Variants in ARFGEF3 observed in about 807,000 individuals in gnomAD.
ARFGEF3 encodes brefeldin A-inhibited guanine nucleotide-exchange protein 3.
A neutral mutation model predicts 221.7 loss-of-function variants in ARFGEF3; 96 were observed. The observed-to-expected ratio is 0.43, with a 90% CI of 0.37 to 0.51. The LOEUF is 0.51. Among genes scored for constraint, ARFGEF3 ranks in the 20% least tolerant of loss-of-function variants. The probability of loss-of-function intolerance (pLI) is 0.00; values close to 1 mark genes in which losing one functional copy is unlikely to be tolerated. For synonymous variants in ARFGEF3, 1,145 were observed against 1,126.8 expected (o/e 1.02, Z -0.32); for missense variants, 2,410 against 2,789.9 (o/e 0.86, Z 3.07).
chr6:138,287,235 C>A (rs985806992), intron 17 of ARFGEF3, 51 bp downstream of exon 17: 1 of 1,360,104 alleles, frequency 7.4e-7, no homozygotes, highest in Non-Finnish European at 1.0e-6. Context: ...GCAGTATGCA[C>A]ACACCTGCAC....
rs1780299026 is a variant in ARFGEF3 at position 138,335,110 on chromosome 6, A to G, written c.6264A>G (p.Arg2088=). 2 of 1,601,746 alleles carry G rather than the reference A, an allele frequency of 1.2e-6. No individual in the cohort carries two copies. The highest frequency in any genetic ancestry group is 1.7e-6 in the Non-Finnish European group (2 of 1,175,290). Residue 2088 remains arginine (R), a synonymous_variant, in exon 33 of 34, where the codon CGA becomes CGG. Coordinates refer to ENST00000251691, the MANE Select transcript of ARFGEF3 (RefSeq NM_020340.5). ...HSFSAGPELL[R]QDKRPRSGST... is the part of the protein sequence containing the mutation. The stretch of plus-strand genomic sequence containing the variant: ...TCAGCGCAGGCCCCGAGCTGCTGCG[A>G]CAGGACAAGAGGCCCCGCTCAGGCT...
chr6:138,254,323 G>T (rs889573334), intron 9 of ARFGEF3, among the ~76,000 whole-genome samples: 2 of 151,556 alleles, frequency 1.3e-5, no homozygotes, highest in Non-Finnish European at 2.9e-5. Flanking sequence ...GAAGGCAGAG[G>T]CATGAGAATT....
chr6:138,278,051 C>T (rs574554500), intron 12 of ARFGEF3, among the ~76,000 whole-genome samples: 42 of 152,038 alleles, frequency 2.8e-4, no homozygotes, highest in Non-Finnish European at 5.1e-4. Flanking sequence ...AGGGTGGCTG[C>T]GGGGAATGAG....
At chr6:138,213,991 A>G (rs1777785526) in intron 4 of ARFGEF3, among the ~76,000 whole-genome samples, 1 of 152,224 alleles carries the variant, frequency 6.6e-6, no homozygotes, top group Non-Finnish European at 1.5e-5. Context: ...GTTTTGGTAT[A>G]GAGATTGGTT....
chr6:138,206,766 A>G (rs745560108), intron 2 of ARFGEF3, among the ~76,000 whole-genome samples: 3 of 152,200 alleles, frequency 2.0e-5, no homozygotes, highest in Non-Finnish European at 4.4e-5. Flanking sequence ...CCGGGGTCCC[A>G]ATGTGTACTA....
At chr6:138,201,179 T>C (rs927542938) in intron 2 of ARFGEF3, among the ~76,000 whole-genome samples, 5 of 152,312 alleles carry the variant, frequency 3.3e-5, no homozygotes, top group Middle Eastern at 6.8e-3. Flanking sequence ...TAGATGTTTT[T>C]TGTGGATGTG....
Position 138,334,078 on chromosome 6 carries a change from G to A in ARFGEF3, c.5232G>A (p.Glu1744=). Residue 1744 remains glutamate, a synonymous_variant, in exon 33 of 34, where the codon GAG becomes GAA. Transcript: ENST00000251691. This position sits in a 1 kb window ranked among gnomAD's most constrained non-coding sequence, Gnocchi z 5.1. The stretch of plus-strand genomic sequence containing the variant: ...TTGTCAAAGGCCCCTCTCCTGGAGA[G>A]GAAAAGACGATACAAGTGCCAGAAG... ...EEFVKGPSPG[E]EKTIQVPEAK... 2 of 1,613,974 alleles carry A rather than the reference G, an allele frequency of 1.2e-6. No individual in the cohort carries two copies. The highest frequency in any genetic ancestry group is 1.7e-6 in the Non-Finnish European group (2 of 1,179,894).
chr6:138,328,089 G>A lies in ARFGEF3; in HGVS notation c.5070G>A (p.Gln1690=). ...ACTTTGACCACGCTCAGTCCTGCCA[G>A]CTCATTATTGAGCTGCCTCCTGATG... is the stretch of plus-strand genomic sequence containing the variant. ...PNNFDHAQSC[Q]LIIELPPDEK... The change falls in exon 32 of 34, where the codon CAG becomes CAA. Residue 1690 remains glutamine, a synonymous_variant. Transcript: ENST00000251691. The A allele has an allele frequency of 6.3e-7, 1 of 1,577,484 alleles. No homozygotes were observed. Among genetic ancestry groups the A allele is most frequent in the Non-Finnish European group, 8.6e-7 (1 of 1,160,266 alleles).
chr6:138,243,077 G>T, intron 7 of ARFGEF3, 83 bp downstream of exon 7: 1 of 1,070,344 alleles, frequency 9.3e-7, no homozygotes, highest in Non-Finnish European at 1.4e-6. Flanking sequence ...GGGGTACAAA[G>T]ATGTCTAGGA....
At chr6:138,308,714 C>G in intron 23 of ARFGEF3, 25 bp from the exon 24 acceptor site, 1 of 1,613,270 alleles carries the variant, frequency 6.2e-7, no homozygotes, top group Non-Finnish European at 8.5e-7. Context: ...TACTTTCTTA[C>G]AATTCTATAA....
At chr6:138,299,198 TAA>T (rs60475752) in intron 22 of ARFGEF3, among the ~76,000 whole-genome samples, 25 of 39,432 alleles carry the variant, frequency 6.3e-4, no homozygotes, top group African/African-American at 1.5e-3. Context: ...CGAGACTCTG[TAA>T]AAAAAAAAAA....
Position 138,162,200 on chromosome 6 carries a change from CG to C in ARFGEF3, c.85+32del. On this transcript the variant is annotated intron_variant, in intron 1 of 33. Transcript: ENST00000251691. This position sits in a 1 kb window ranked among gnomAD's most constrained non-coding sequence, Gnocchi z 4.7. ...AGCGTCCGGCACCTGCTCGCCGCGG[CG>C]GGAGGGCCGCGCGGCCGGGGCTGAA... is the stretch of plus-strand genomic sequence containing the variant. 6.4e-7 allele frequency: 1 copy of C among 1,556,914 alleles called. No individual in the cohort carries two copies. The highest frequency in any genetic ancestry group is 8.8e-7 in the Non-Finnish European group (1 of 1,141,750).
At chr6:138,298,877 C>A in intron 22 of ARFGEF3, 92 bp downstream of exon 22, 1 of 948,168 alleles carries the variant, frequency 1.1e-6, no homozygotes, top group Non-Finnish European at 1.6e-6. Flanking sequence ...TTACTCTTTC[C>A]AATAATCCTA....
Position 138,336,593 on chromosome 6 carries a change from A to G in ARFGEF3, c.*107A>G, listed in dbSNP as rs2114703760. 1 of 862,804 alleles carries G rather than the reference A, an allele frequency of 1.2e-6. No individual in the cohort carries two copies. Among genetic ancestry groups the G allele is most frequent in the South Asian group, 2.0e-5 (1 of 49,358 alleles). 53.4% of individuals were successfully genotyped at this position (862,804 alleles called of 1,614,324 possible). Reference sequence around the variant, plus strand: ...CACTAGCCCCACTTAAACTACTACTACTGTCTCAGAGAACAGTGTTTCCTA... The same window carrying G: ...CACTAGCCCCACTTAAACTACTACTGCTGTCTCAGAGAACAGTGTTTCCTA... On this transcript the variant is annotated 3_prime_UTR_variant, in exon 34 of 34. Coordinates refer to ENST00000251691, the MANE Select transcript of ARFGEF3 (RefSeq NM_020340.5).
chr6:138,261,594 A>C lies in ARFGEF3; in HGVS notation c.1172A>C (p.Lys391Thr). 1 of 1,576,390 alleles carries C rather than the reference A, an allele frequency of 6.3e-7. No individual in the cohort carries two copies. The highest frequency in any genetic ancestry group is 8.6e-7 in the Non-Finnish European group (1 of 1,159,490). The change falls in exon 11 of 34, where the codon AAA becomes ACA. Residue 391 changes from lysine (K) to threonine (T), a missense_variant. Physicochemically the swap from Lys to Thr is moderately conservative, Grantham distance 78. Coordinates refer to ENST00000251691, the MANE Select transcript of ARFGEF3 (RefSeq NM_020340.5). ...AGCTCCACTGAATCAGAGTCCAGAA[A>C]AAGATCAATTTCAAAAAGAAAGTCT... ...GPSSTESESR[K>T]RSISKRKSHL...
Position 138,162,032 on chromosome 6 carries a change from G to A in ARFGEF3, c.-55G>A, listed in dbSNP as rs1461556427. The A allele has an allele frequency of 5.1e-6, 7 of 1,377,824 alleles. No individual in the cohort carries two copies. The African/African-American group carries it at 1.1e-4, about 21-fold the overall frequency. 85.3% of individuals were successfully genotyped at this position (1,377,824 alleles called of 1,614,324 possible). A position where few individuals can be genotyped will look rare whatever the true frequency, so the allele number is the denominator to read the frequency against. On this transcript the variant is annotated 5_prime_UTR_variant, in exon 1 of 34. Transcript: ENST00000251691. This position sits in a 1 kb window ranked among gnomAD's most constrained non-coding sequence, Gnocchi z 4.7. ...CAGGCAGCGGCGGCTTCCCCGGCCCGGCTCGCCCGCGCTTCTCTCCCTGTG... is the reference window on the plus strand; with the variant it reads ...CAGGCAGCGGCGGCTTCCCCGGCCCAGCTCGCCCGCGCTTCTCTCCCTGTG...
chr6:138,205,564 C>A (rs1336521491), intron 2 of ARFGEF3, among the ~76,000 whole-genome samples: 1 of 151,934 alleles, frequency 6.6e-6, no homozygotes, highest in Non-Finnish European at 1.5e-5. Context: ...GGAAAAAAAT[C>A]AGCTATTCCT....
rs146427914 is a variant in ARFGEF3 at position 138,230,907 on chromosome 6, G to A, written c.420+1055G>A. Reference sequence around the variant, plus strand: ...CCTGTGAGCTCTTTCATTATCTGCAGGTTCACTTTTCAAAAGACAGTGTTG... The same window carrying A: ...CCTGTGAGCTCTTTCATTATCTGCAAGTTCACTTTTCAAAAGACAGTGTTG... On this transcript the variant is annotated intron_variant, in intron 5 of 33. Transcript: ENST00000251691. 4.3e-4 allele frequency among the ~76,000 whole-genome samples: 65 copies of A among 152,278 alleles called. No individual in the cohort carries two copies. The East Asian group carries it at 8.7e-3, about 20-fold the overall frequency.
intron 2 of ARFGEF3, among the ~76,000 whole-genome samples, chr6:138,192,447 A>G (rs1206859984): frequency 6.6e-6 from 1 of 152,184 alleles, no homozygotes; most frequent in Non-Finnish European, 1.5e-5. Context: ...AGATCGCACC[A>G]TTGCACTCCA....
Sources: allele counts gnomAD v4.1 joint callset (sites outside exome capture counted in the v4.1 genomes callset), GRCh38; gene constraint gnomAD v4.1.1; non-coding constraint Gnocchi (gnomAD v3.1); transcripts MANE v1.5; gene names NCBI Gene and HGNC (gene_info 2026-07-23, HGNC 2026-07-21).